The following PTPN23 variants were observed in gnomAD, a reference collection of about 807,000 sequenced individuals.
PTPN23 encodes the protein protein tyrosine phosphatase non-receptor type 23, also known as tyrosine-protein phosphatase non-receptor type 23.
Under a neutral mutation model 156.3 loss-of-function variants are expected in PTPN23, and 72 were observed. That is an observed-to-expected ratio of 0.46 (90% CI 0.38 to 0.56). The LOEUF is 0.56. PTPN23 is among the 20% of genes least tolerant of loss of function. The pLI is 0.00. For synonymous variants in PTPN23, 957 were observed against 899.6 expected (o/e 1.06, Z -1.14); for missense variants, 1,974 against 2,171.5 (o/e 0.91, Z 1.81).
In PTPN23 at chr3:47,412,981, C is replaced by T; in HGVS notation, c.4707C>T (p.Ser1569=). Residue 1569 remains serine (S), a synonymous_variant, in exon 25 of 25, where the codon AGC becomes AGT. Coordinates refer to ENST00000265562, the MANE Select transcript of PTPN23 (RefSeq NM_015466.4). Reference sequence around the variant, plus strand: ...AGCCGCCAGTGCCTGAAGCCCCCAGCTCGGGGCCCCCCTCCTCCTCCCTGG... The same window carrying T: ...AGCCGCCAGTGCCTGAAGCCCCCAGTTCGGGGCCCCCCTCCTCCTCCCTGG... ...KEEPPVPEAP[S]SGPPSSSLEL... The T allele has an allele frequency of 6.2e-7, 1 of 1,611,116 alleles. No homozygotes were observed. Among genetic ancestry groups the T allele is most frequent in the Non-Finnish European group, 8.5e-7 (1 of 1,178,958 alleles).
chr3:47,401,153 G>A (rs1490965832), intron 2 of PTPN23, among the ~76,000 whole-genome samples: 2 of 150,856 alleles, frequency 1.3e-5, no homozygotes, highest in Non-Finnish European at 2.9e-5. Flanking sequence ...CGCCTGCCTC[G>A]GCCTCCCAAA....
In PTPN23 at chr3:47,411,037, C is replaced by A; in HGVS notation, c.3239C>A (p.Pro1080His). The part of the protein sequence containing the change: ...RGPSSAGQST[P>H]SPHLVPSPAP... ...CCCTCGTCTGCTGGCCAGTCCACCC[C>A]TAGTCCCCACCTGGTGCCTTCACCT... Residue 1080 changes from proline (P) to histidine (H), a missense_variant, in exon 20 of 25, where the codon CCT becomes CAT. By Grantham distance (77) the Pro-to-His change is moderately conservative. Coordinates refer to ENST00000265562, the MANE Select transcript of PTPN23 (RefSeq NM_015466.4). This position sits in a 1 kb window ranked among gnomAD's most constrained non-coding sequence, Gnocchi z 6.3. 1 of 1,588,892 alleles carries A rather than the reference C, an allele frequency of 6.3e-7. No individual in the cohort carries two copies. The highest frequency in any genetic ancestry group is 1.7e-5 in the Admixed American group (1 of 58,020).
At chr3:47,383,742 A>G (rs1293851815) in intron 1 of PTPN23, among the ~76,000 whole-genome samples, 2 of 152,260 alleles carry the variant, frequency 1.3e-5, no homozygotes, top group Admixed American at 6.5e-5. Flanking sequence ...TTGTGTGACC[A>G]GTGACTTCCC....
Position 47,413,008 on chromosome 3 carries a change from A to T in PTPN23, c.4734A>T (p.Glu1578Asp). The T allele has an allele frequency of 6.2e-7, 1 of 1,612,408 alleles. No homozygotes were observed. Among genetic ancestry groups the T allele is most frequent in the Non-Finnish European group, 8.5e-7 (1 of 1,179,764 alleles). ...CGGGGCCCCCCTCCTCCTCCCTGGA[A>T]TTGCTGGCCTCCTTGACCCCAGAGG... is the stretch of plus-strand genomic sequence containing the variant. ...PSSGPPSSSL[E>D]LLASLTPEAF... The change falls in exon 25 of 25, where the codon GAA (glutamate) becomes GAT (aspartate). Residue 1578 changes from glutamate (E) to aspartate (D), a missense_variant. This residue lies in a region of PTPN23 where 484 missense variants were observed against 516.0 expected (regional missense o/e 0.94). Coordinates refer to ENST00000265562, the MANE Select transcript of PTPN23 (RefSeq NM_015466.4).
chr3:47,409,520 A>T lies in PTPN23; in HGVS notation c.1901A>T (p.Asn634Ile), dbSNP rs1705212892. ...GTCCTCTGTGCACTGACAGAGGCCA[A>T]CGTGCAGTACGCAGCCGTGCGGCGG... The part of the protein sequence containing the change: ...DRVLCALTEA[N>I]VQYAAVRRVL... The change falls in exon 18 of 25, where the codon AAC becomes ATC. Residue 634 changes from asparagine to isoleucine, a missense_variant. Physicochemically the swap from Asn to Ile is moderately radical, Grantham distance 149. Coordinates refer to ENST00000265562, the MANE Select transcript of PTPN23 (RefSeq NM_015466.4). 2.5e-6 allele frequency: 4 copies of T among 1,614,100 alleles called. No homozygotes were observed. The highest frequency in any genetic ancestry group is 3.4e-6 in the Non-Finnish European group (4 of 1,179,974).
intron 2 of PTPN23, among the ~76,000 whole-genome samples, chr3:47,402,427 G>C (rs141392278): frequency 2.6e-5 from 4 of 151,838 alleles, no homozygotes; most frequent in Admixed American, 1.3e-4. Context: ...TTACAGGTGC[G>C]CACCATCATG....
chr3:47,412,681 C>G, intron 24 of PTPN23, 25 bp from the exon 25 acceptor site: 1 of 1,600,094 alleles, frequency 6.2e-7, no homozygotes, highest in Non-Finnish European at 8.5e-7. Flanking sequence ...GGGACTCCCT[C>G]TCCTCACTCA....
intron 2 of PTPN23, among the ~76,000 whole-genome samples, chr3:47,397,408 A>G (rs1163270508): frequency 6.6e-6 from 1 of 152,148 alleles, no homozygotes. Flanking sequence ...TTTCCTGATT[A>G]TTGTATGTAC....
chr3:47,399,437 A>C (rs1402859972), intron 2 of PTPN23, among the ~76,000 whole-genome samples: 1 of 152,134 alleles, frequency 6.6e-6, no homozygotes, highest in Non-Finnish European at 1.5e-5. Flanking sequence ...AACCCTCCTC[A>C]TAAGTTGAAT....
rs1179781829 is a variant in PTPN23, at chr3:47,408,425, T to G, written c.1265T>G (p.Met422Arg). Residue 422 changes from methionine (M) to arginine (R), a missense_variant, in exon 15 of 25, where the codon ATG becomes AGG. Physicochemically the swap from Met to Arg is moderately conservative, Grantham distance 91. Around this residue, in one of 4 missense-constraint regions of PTPN23, gnomAD observed 726 missense variants for 929.5 expected, o/e 0.78. Coordinates refer to ENST00000265562, the MANE Select transcript of PTPN23 (RefSeq NM_015466.4). Reference sequence around the variant, plus strand: ...TACAGCCACATCCCACCCCAGCTCATGGAGAAGTGCGCGGCTCTCAGCGTC... The same window carrying G: ...TACAGCCACATCCCACCCCAGCTCAGGGAGAAGTGCGCGGCTCTCAGCGTC... ...DAYSHIPPQL[M>R]EKCAALSVRP... is the part of the protein sequence containing the mutation. 1 of 1,614,090 alleles carries G rather than the reference T, an allele frequency of 6.2e-7. No individual in the cohort carries two copies. The highest frequency in any genetic ancestry group is 1.7e-5 in the Admixed American group (1 of 60,000).
chr3:47,407,329 A>T lies in PTPN23; in HGVS notation c.885A>T (p.Gln295His). The T allele has an allele frequency of 6.2e-7, 1 of 1,613,984 alleles. No homozygotes were observed. Among genetic ancestry groups the T allele is most frequent in the African/African-American group, 1.3e-5 (1 of 75,022 alleles). ...KLAKGQPDTV[Q>H]DALRFTMDVI... ...CACAGGGCCAGCCTGACACTGTGCA[A>T]GACGCGCTTCGCTTCACTATGGATG... The change falls in exon 11 of 25, where the codon CAA (glutamine) becomes CAT (histidine). Residue 295 changes from glutamine to histidine, a missense_variant. By Grantham distance (24) the Gln-to-His change is conservative. Coordinates refer to ENST00000265562, the MANE Select transcript of PTPN23 (RefSeq NM_015466.4). This position sits in a 1 kb window ranked among gnomAD's most constrained non-coding sequence, Gnocchi z 4.0.
At chr3:47,396,029 C>G in intron 1 of PTPN23, 114 bp from the exon 2 acceptor site, 2 of 743,768 alleles carry the variant, frequency 2.7e-6, no homozygotes. Flanking sequence ...AGGAGACACG[C>G]TTATGGTTGT....
chr3:47,407,813 TG>T lies in PTPN23; in HGVS notation c.1118+5del. ...CCACGAGGCCTCGTCACTGTACAGG[TG>T]GGTGGAGGGTGGCACAGAGGGAGGT... On this transcript the variant is annotated splice_donor_region_variant and intron_variant, in intron 13 of 24. Transcript: ENST00000265562. The surrounding 1 kb of genome is among the most constrained non-coding windows in gnomAD (Gnocchi z 4.0). 1 of 1,613,546 alleles carries T rather than the reference TG, an allele frequency of 6.2e-7. No homozygotes were observed. The highest frequency in any genetic ancestry group is 1.1e-5 in the South Asian group (1 of 91,068).
Position 47,411,784 on chromosome 3 carries a change from A to G in PTPN23, c.3890A>G (p.Gln1297Arg), listed in dbSNP as rs762845596. The change falls in exon 21 of 25, where the codon CAA (glutamine) becomes CGA (arginine). Residue 1297 changes from glutamine to arginine, a missense_variant and splice_region_variant. Physicochemically the swap from Gln to Arg is conservative, Grantham distance 43. This residue lies in a region of PTPN23 where 484 missense variants were observed against 516.0 expected (regional missense o/e 0.94). Transcript: ENST00000265562. This position sits in a 1 kb window ranked among gnomAD's most constrained non-coding sequence, Gnocchi z 6.3. ...MLVSEAEMEK[Q>R]KVARYFPTER... ...TGTCTTGGCTTATCTGTCCCTCAGC[A>G]AAAAGTGGCACGCTACTTCCCCACC... 3 of 1,603,554 alleles carry G rather than the reference A, an allele frequency of 1.9e-6. No individual in the cohort carries two copies. Among genetic ancestry groups the G allele is most frequent in the Non-Finnish European group, 8.5e-7 (1 of 1,173,800 alleles).
At chr3:47,412,044 C>T in intron 21 of PTPN23, 50 bp from the exon 22 acceptor site, 2 of 1,609,396 alleles carry the variant, frequency 1.2e-6, no homozygotes, top group South Asian at 1.1e-5. Context: ...ATGAGAGCCT[C>T]AGGTCAGGCC....
chr3:47,396,073 C>A, intron 1 of PTPN23, 70 bp from the exon 2 acceptor site: 1 of 1,259,552 alleles, frequency 7.9e-7, no homozygotes, highest in Non-Finnish European at 1.1e-6. Context: ...CTGGTTGGTG[C>A]TTGCCCAGGA....
intron 2 of PTPN23, among the ~76,000 whole-genome samples, chr3:47,403,494 C>T (rs1016857316): frequency 1.3e-5 from 2 of 151,898 alleles, no homozygotes; most frequent in African/African-American, 4.8e-5. Flanking sequence ...TAAAACAGTC[C>T]CCTTTAGTGG....
Position 47,410,092 on chromosome 3 carries a change from G to A in PTPN23, c.2294G>A (p.Ser765Asn). 6.2e-7 allele frequency: 1 copy of A among 1,609,008 alleles called. No homozygotes were observed. Among genetic ancestry groups the A allele is most frequent in the Non-Finnish European group, 8.5e-7 (1 of 1,177,350 alleles). Residue 765 changes from serine (S) to asparagine (N), a missense_variant, in exon 20 of 25, where the codon AGT becomes AAT. By Grantham distance (46) the Ser-to-Asn change is conservative (BLOSUM62 1). Coordinates refer to ENST00000265562, the MANE Select transcript of PTPN23 (RefSeq NM_015466.4). ...CGACTGCCTGACACCTTCCTGGGAA[G>A]TGCCACCCCGCTCCACTTTCCTCCC... ...GPRLPDTFLG[S>N]ATPLHFPPSP...
chr3:47,412,091 C>G lies in PTPN23; in HGVS notation c.4074-3C>G. On this transcript the variant is annotated splice_region_variant and splice_polypyrimidine_tract_variant and intron_variant, in intron 21 of 24. Transcript: ENST00000265562. ...CTCTTCCTGGCCCCATCCTGTCCCA[C>G]AGAGGCCTGCCCGACAGCCCCAGCA... The G allele has an allele frequency of 6.2e-7, 1 of 1,613,010 alleles. No individual in the cohort carries two copies. Among genetic ancestry groups the G allele is most frequent in the Non-Finnish European group, 8.5e-7 (1 of 1,179,984 alleles).
Sources: gnomAD v4.1 joint callset for allele counts (sites outside exome capture counted in the v4.1 genomes callset) on GRCh38, gnomAD v4.1.1 for gene constraint, gnomAD v4.1.1 regional missense constraint, Gnocchi (gnomAD v3.1) non-coding constraint, MANE v1.5 for transcripts, NCBI Gene and HGNC (gene_info 2026-07-23, HGNC 2026-07-21) for gene names.